The following PTPRD variants were observed in gnomAD, a reference collection of about 807,000 sequenced individuals.
PTPRD encodes protein tyrosine phosphatase receptor type D.
Under a neutral mutation model 214.5 loss-of-function variants are expected in PTPRD, and 34 were observed. That is an observed-to-expected ratio of 0.16 (90% CI 0.12 to 0.21). PTPRD has a LOEUF of 0.21. Among genes scored for constraint, PTPRD ranks in the 10% least tolerant of loss-of-function variants. The pLI is 1.00. For synonymous variants in PTPRD, 1,128 were observed against 845.7 expected (o/e 1.33, Z -5.79); for missense variants, 2,545 against 2,398.7 (o/e 1.06, Z -1.27).
chr9:9,816,191 C>A (rs920482384), intron 5 of PTPRD, among the ~76,000 whole-genome samples: 1 of 151,982 alleles, frequency 6.6e-6, no homozygotes. Context: ...CTTGGCTAGT[C>A]TGAAAGAAGC....
At chr9:8,911,312 T>A (rs1278971194) in intron 11 of PTPRD, among the ~76,000 whole-genome samples, 2 of 152,108 alleles carry the variant, frequency 1.3e-5, no homozygotes, top group Non-Finnish European at 2.9e-5. Context: ...CAATTGATTT[T>A]TGACAAAAGT....
rs560132284 is a variant in PTPRD, at chr9:9,955,700, T to A, written c.-471-17090A>T. ...CACCATGCCCGACTAATTTTTTGTA[T>A]TTTTAGTAGAGACAGGGTTTCACCG... On this transcript the variant is annotated intron_variant, in intron 4 of 45. Coordinates refer to ENST00000381196, the MANE Select transcript of PTPRD (RefSeq NM_002839.4). Among the ~76,000 whole-genome samples the A allele has an allele frequency of 1.5e-3, 231 of 152,162 alleles. 7 individuals carry two copies. The South Asian group carries it at 0.046, about 30-fold the overall frequency.
Position 9,837,320 on chromosome 9 carries a change from T to C in PTPRD, c.-367-70469A>G, listed in dbSNP as rs1470180108. On this transcript the variant is annotated intron_variant, in intron 5 of 45. Coordinates refer to ENST00000381196, the MANE Select transcript of PTPRD (RefSeq NM_002839.4). ...TTTGAGAGGATGGTTTAATGAGAGA[T>C]AGTTACAATATCTAACACAGGAGCA... Among the ~76,000 whole-genome samples, 6 of 152,212 alleles carry C rather than the reference T, an allele frequency of 3.9e-5. No individual in the cohort carries two copies. In the South Asian group the frequency reaches 8.3e-4, roughly 21 times the overall value.
At chr9:8,584,577 A>T (rs1379547119) in intron 14 of PTPRD, among the ~76,000 whole-genome samples, 1 of 152,214 alleles carries the variant, frequency 6.6e-6, no homozygotes, top group African/African-American at 2.4e-5. Flanking sequence ...GAGGAAATCT[A>T]TCATTCATGC....
chr9:10,112,539 G>A (rs1395320273), intron 3 of PTPRD, among the ~76,000 whole-genome samples: 1 of 152,060 alleles, frequency 6.6e-6, no homozygotes, highest in African/African-American at 2.4e-5. Context: ...AGGAGGTGCA[G>A]ACATGCAACT....
intron 12 of PTPRD, among the ~76,000 whole-genome samples, chr9:8,709,863 C>A (rs1216787303): frequency 6.6e-6 from 1 of 151,978 alleles, no homozygotes; most frequent in Non-Finnish European, 1.5e-5. Context: ...TCTTTAAGTG[C>A]AATAAAGATG....
intron 2 of PTPRD, among the ~76,000 whole-genome samples, chr9:10,398,753 T>C (rs2098219878): frequency 6.6e-6 from 1 of 152,004 alleles, no homozygotes; most frequent in East Asian, 1.9e-4. Flanking sequence ...GTATGCATAT[T>C]GTGTTTTTAA....
At chr9:9,902,499 T>C (rs1332920457) in intron 5 of PTPRD, among the ~76,000 whole-genome samples, 3 of 152,158 alleles carry the variant, frequency 2.0e-5, no homozygotes, top group African/African-American at 4.8e-5. Flanking sequence ...GTTGATTACA[T>C]AACAGTGTAG....
intron 8 of PTPRD, among the ~76,000 whole-genome samples, chr9:9,510,315 C>G (rs1474398302): frequency 6.6e-6 from 1 of 151,410 alleles, no homozygotes; most frequent in Non-Finnish European, 1.5e-5. Flanking sequence ...GTAAGACACA[C>G]TATAAACTTT....
intron 35 of PTPRD, among the ~76,000 whole-genome samples, chr9:8,419,226 C>CA (rs1244627372): frequency 1.2e-4 from 15 of 121,718 alleles, no homozygotes; most frequent in Non-Finnish European, 2.2e-4. Flanking sequence ...ACCCACTCTC[C>CA]AAAAAATTAA....
At chr9:10,154,463 T>G in intron 3 of PTPRD, among the ~76,000 whole-genome samples, 1 of 152,328 alleles carries the variant, frequency 6.6e-6, no homozygotes, top group African/African-American at 2.4e-5. Context: ...GTTATTTAGT[T>G]TAATTAGCTC....
At chr9:8,481,914 C>G (rs1209047993) in intron 30 of PTPRD, among the ~76,000 whole-genome samples, 1 of 152,182 alleles carries the variant, frequency 6.6e-6, no homozygotes, top group African/African-American at 2.4e-5. Flanking sequence ...TCCTGAGTAG[C>G]TGGGATTACA....
At chr9:8,643,868 C>G (rs934842302) in intron 12 of PTPRD, among the ~76,000 whole-genome samples, 1 of 152,216 alleles carries the variant, frequency 6.6e-6, no homozygotes, top group African/African-American at 2.4e-5. Context: ...AGGAGGCAGA[C>G]AGGCTCCTGG....
chr9:9,199,527 A>T (rs1312777330), intron 9 of PTPRD, among the ~76,000 whole-genome samples: 2 of 152,200 alleles, frequency 1.3e-5, no homozygotes, highest in Non-Finnish European at 2.9e-5. Flanking sequence ...ATAAGACCAG[A>T]CTAAATATAA....
At chr9:8,331,758 C>A (rs755825050) in intron 43 of PTPRD, 22 bp from the exon 44 acceptor site, 2 of 1,552,994 alleles carry the variant, frequency 1.3e-6, no homozygotes, top group East Asian at 2.3e-5. Flanking sequence ...AAGCCACATA[C>A]CCGGCCGCAA....
At chr9:9,933,413 G>C (rs12235327) in intron 5 of PTPRD, among the ~76,000 whole-genome samples, 30,021 of 143,064 alleles carry the variant, frequency 0.21, 330 homozygotes, top group Middle Eastern at 0.35. Context: ...ACAAAAAAAG[G>C]CAGGGGTTGC....
chr9:9,700,288 C>T (rs2097469100), intron 7 of PTPRD, among the ~76,000 whole-genome samples: 1 of 151,998 alleles, frequency 6.6e-6, no homozygotes, highest in Non-Finnish European at 1.5e-5. Context: ...TACTTGAAAT[C>T]TGTTTTTATT....
intron 5 of PTPRD, among the ~76,000 whole-genome samples, chr9:9,935,582 C>G (rs1018395095): frequency 6.6e-6 from 1 of 151,786 alleles, no homozygotes; most frequent in East Asian, 1.9e-4. Flanking sequence ...AAAGAGGATA[C>G]AAACAAATGG....
At chr9:9,937,495 A>G (rs1263625585) in intron 5 of PTPRD, among the ~76,000 whole-genome samples, 1 of 151,754 alleles carries the variant, frequency 6.6e-6, no homozygotes, top group Non-Finnish European at 1.5e-5. Context: ...ATACAAGTAT[A>G]TATTTGGGCT....
Sources: allele counts gnomAD v4.1 joint callset (sites outside exome capture counted in the v4.1 genomes callset), GRCh38; gene constraint gnomAD v4.1.1; transcripts MANE v1.5; gene names NCBI Gene and HGNC (gene_info 2026-07-23, HGNC 2026-07-21).